Variants in STAG1 observed in about 807,000 individuals in gnomAD.
STAG1 encodes STAG1 cohesin complex component.
STAG1 carries 26 observed loss-of-function variants against 170.9 expected under a neutral mutation model. The ratio of observed to expected loss-of-function variants is 0.15; its 90% CI spans 0.11 to 0.21. The LOEUF (loss-of-function observed/expected upper bound fraction) is 0.21. Among genes scored for constraint, STAG1 ranks in the 10% least tolerant of loss-of-function variants. STAG1 has a pLI of 1.00. For synonymous variants in STAG1, 514 were observed against 497.7 expected (o/e 1.03, Z -0.44); for missense variants, 964 against 1,509.5 (o/e 0.64, Z 5.99).
At chr3:136,694,274 C>G (rs961839128) in intron 1 of STAG1, among the ~76,000 whole-genome samples, 2 of 152,010 alleles carry the variant, frequency 1.3e-5, no homozygotes, top group African/African-American at 4.8e-5. Flanking sequence ...TGCAACTGAC[C>G]ACTGAGTGTT....
intron 6 of STAG1, among the ~76,000 whole-genome samples, chr3:136,536,698 G>C (rs570909061): frequency 1.5e-3 from 163 of 108,578 alleles, no homozygotes; most frequent in African/African-American, 4.2e-3. Flanking sequence ...GCAAGACTCA[G>C]TCTCCAAAAA....
intron 7 of STAG1, among the ~76,000 whole-genome samples, chr3:136,511,273 A>G (rs1261215243): frequency 6.6e-6 from 1 of 152,226 alleles, no homozygotes; most frequent in Non-Finnish European, 1.5e-5. Context: ...AGAATTCTTT[A>G]TAGCAGTATG....
At chr3:136,433,753 C>T (rs1052140729) in intron 15 of STAG1, 94 bp from the exon 16 acceptor site, 1 of 814,208 alleles carries the variant, frequency 1.2e-6, no homozygotes. Flanking sequence ...TGAAAACATT[C>T]TATTACTGCT....
chr3:136,463,735 A>ATGTGTG (rs140989476), intron 13 of STAG1, among the ~76,000 whole-genome samples: 25,032 of 100,718 alleles, frequency 0.25, 2,834 homozygotes, highest in Non-Finnish European at 0.28. Flanking sequence ...AAATGTGTAT[A>ATGTGTG]TGTGTGTGTG....
At chr3:136,618,529 T>C (rs867514206) in intron 3 of STAG1, among the ~76,000 whole-genome samples, 1 of 152,180 alleles carries the variant, frequency 6.6e-6, no homozygotes, top group East Asian at 1.9e-4. Context: ...CCTATGCAAA[T>C]ATGAAAGTTA....
chr3:136,670,945 C>G (rs1038080621), intron 1 of STAG1, among the ~76,000 whole-genome samples: 2 of 151,960 alleles, frequency 1.3e-5, no homozygotes, highest in African/African-American at 4.8e-5. Context: ...AGAAATTACT[C>G]AAAAGTGAAG....
chr3:136,691,450 T>C (rs1576770217), intron 1 of STAG1, among the ~76,000 whole-genome samples: 1 of 150,978 alleles, frequency 6.6e-6, no homozygotes, highest in Admixed American at 6.6e-5. Context: ...AAAAATTAGC[T>C]GGGCACAGTG....
At chr3:136,714,927 T>C (rs1458599292) in intron 1 of STAG1, among the ~76,000 whole-genome samples, 2 of 87,942 alleles carry the variant, frequency 2.3e-5, no homozygotes, top group Non-Finnish European at 4.2e-5. Context: ...AAAAAACAAA[T>C]ATATATATTA....
intron 1 of STAG1, among the ~76,000 whole-genome samples, chr3:136,719,552 C>T (rs901740842): frequency 1.6e-4 from 24 of 148,766 alleles, no homozygotes; most frequent in African/African-American, 5.2e-4. Context: ...AAGCAAGGAG[C>T]GGCAGCACTA....
At chr3:136,701,868 G>A (rs1943071941) in intron 1 of STAG1, among the ~76,000 whole-genome samples, 1 of 151,994 alleles carries the variant, frequency 6.6e-6, no homozygotes, top group Non-Finnish European at 1.5e-5. Flanking sequence ...AAAAATTATC[G>A]AGAGCTACTT....
rs527467377 is a variant in STAG1, at chr3:136,608,711, G to C, written c.133-4238C>G. ...CCCAGCTGCTCAGCAGGCTGAAGTAGGAGAATCGAATGAGCCGGGGAGGTG... is the reference window on the plus strand; with the variant it reads ...CCCAGCTGCTCAGCAGGCTGAAGTACGAGAATCGAATGAGCCGGGGAGGTG... On this transcript the variant is annotated intron_variant, in intron 3 of 33. Transcript: ENST00000383202. 3.7e-4 allele frequency among the ~76,000 whole-genome samples: 55 copies of C among 149,446 alleles called. No homozygotes were observed. The South Asian group carries it at 6.6e-3, about 18-fold the overall frequency.
chr3:136,539,330 A>G (rs1257837774), intron 6 of STAG1, among the ~76,000 whole-genome samples: 1 of 152,200 alleles, frequency 6.6e-6, no homozygotes, highest in Non-Finnish European at 1.5e-5. Context: ...TGAAATGGAT[A>G]AATTTAGAGA....
At chr3:136,359,335 A>C in intron 26 of STAG1, 39 bp from the exon 27 acceptor site, 1 of 1,453,374 alleles carries the variant, frequency 6.9e-7, no homozygotes. Context: ...CCTATAGCTC[A>C]GAATTTTAAA....
chr3:136,663,100 A>G (rs1941632595), intron 1 of STAG1, among the ~76,000 whole-genome samples: 1 of 152,072 alleles, frequency 6.6e-6, no homozygotes, highest in Admixed American at 6.6e-5. Context: ...AATTAAAATA[A>G]AATCAAGTGG....
At chr3:136,382,081 G>A (rs1938000095) in intron 22 of STAG1, among the ~76,000 whole-genome samples, 1 of 152,196 alleles carries the variant, frequency 6.6e-6, no homozygotes, top group Admixed American at 6.5e-5. Flanking sequence ...AACTTATAAT[G>A]TGTTAATTTC....
intron 1 of STAG1, among the ~76,000 whole-genome samples, chr3:136,749,147 T>C (rs1404859533): frequency 6.6e-6 from 1 of 152,204 alleles, no homozygotes; most frequent in Admixed American, 6.5e-5. Flanking sequence ...ACGGTGATTA[T>C]ATGACAAAAT....
chr3:136,426,120 A>AT lies in STAG1; in HGVS notation c.1651-3077_1651-3076insA, dbSNP rs559619056. 1.1e-3 allele frequency among the ~76,000 whole-genome samples: 166 copies of AT among 151,904 alleles called. 1 individual carries two copies. Among genetic ancestry groups the AT allele is most frequent in the Non-Finnish European group, 1.5e-3 (103 of 67,934 alleles). ...GATTTGCAACAATTAAAAAAAAAAA[A>AT]CTTGTGGCCGGGCGCGGTGGCTCAT... On this transcript the variant is annotated intron_variant, in intron 16 of 33. Coordinates refer to ENST00000383202, the MANE Select transcript of STAG1 (RefSeq NM_005862.3).
chr3:136,369,766 T>C (rs1034194824), intron 23 of STAG1, among the ~76,000 whole-genome samples: 6 of 152,188 alleles, frequency 3.9e-5, no homozygotes, highest in Non-Finnish European at 7.4e-5. Flanking sequence ...TGTTAAAAAA[T>C]GTCAGTGTAC....
chr3:136,603,482 T>C (rs1938779217), intron 4 of STAG1, among the ~76,000 whole-genome samples: 1 of 152,130 alleles, frequency 6.6e-6, no homozygotes, highest in African/African-American at 2.4e-5. Context: ...GATAAAAATA[T>C]ACACACTAAA....
Sources: allele counts gnomAD v4.1 joint callset (sites outside exome capture counted in the v4.1 genomes callset), GRCh38; gene constraint gnomAD v4.1.1; transcripts MANE v1.5; gene names NCBI Gene and HGNC (gene_info 2026-07-23, HGNC 2026-07-21).